BMPR2: variants seen among roughly 807,000 people sequenced by gnomAD.
The protein encoded by BMPR2 is bone morphogenetic protein receptor type 2, also known as bone morphogenetic protein receptor type-2.
A neutral mutation model predicts 100.8 loss-of-function variants in BMPR2; 29 were observed. The ratio of observed to expected loss-of-function variants is 0.29; its 90% confidence interval spans 0.21 to 0.39. The LOEUF is 0.39. Ranked by LOEUF, BMPR2 falls within the 10% of genes least tolerant of loss-of-function variation. The pLI is 1.00. For missense variants in BMPR2, 1,011 were observed against 1,274.5 expected, an observed-to-expected ratio of 0.79 and a Z score of 3.15; for synonymous variants, 382 against 442.3, an observed-to-expected ratio of 0.86 and a Z score of 1.71.
chr2:202,560,896 A>G lies in BMPR2; in HGVS notation c.*950A>G, dbSNP rs1688669110. 6.6e-6 allele frequency: 1 copy of G among 152,136 alleles called. No homozygotes were observed. Among genetic ancestry groups the G allele is most frequent in the Non-Finnish European group, 1.5e-5 (1 of 67,996 alleles). 9.4% of individuals were successfully genotyped at this position (152,136 alleles called of 1,614,324 possible). On this transcript the variant is annotated 3_prime_UTR_variant, in exon 13 of 13. Transcript: ENST00000374580. ...CCATGTTCATTTATTTAAGAAATAC[A>G]TTTTTATTGGTAAGCTTATAGAGCT...
At chr2:202,379,592 C>A (rs1690227618) in intron 1 of BMPR2, among the ~76,000 whole-genome samples, 2 of 152,228 alleles carry the variant, frequency 1.3e-5, no homozygotes, top group South Asian at 4.1e-4. Flanking sequence ...CTTTGCTTGG[C>A]CTAATATTGA....
intron 1 of BMPR2, among the ~76,000 whole-genome samples, chr2:202,414,900 C>T (rs190234099): frequency 1.2e-4 from 18 of 152,034 alleles, no homozygotes; most frequent in East Asian, 9.7e-4. Context: ...CCACCATGCC[C>T]GGCTAATTTT....
intron 1 of BMPR2, among the ~76,000 whole-genome samples, chr2:202,441,840 C>G (rs1691754139): frequency 6.7e-6 from 1 of 149,804 alleles, no homozygotes; most frequent in Admixed American, 6.6e-5. Flanking sequence ...CGAGACCAGT[C>G]TGGCCAACAT....
rs976246218 is a variant in BMPR2 at position 202,503,467 on chromosome 2, C to T, written c.419-10252C>T. On this transcript the variant is annotated intron_variant, in intron 3 of 12. Transcript: ENST00000374580. The surrounding 1 kb of genome is among the most constrained non-coding windows in gnomAD (Gnocchi z 4.0). ...GGTTGGGCATGGGCTTGGCGGGCCC[C>T]GCACTCGGAGCAGCCAGCCCCGGGC... 5.3e-5 allele frequency among the ~76,000 whole-genome samples: 8 copies of T among 152,228 alleles called. No homozygotes were observed. Among genetic ancestry groups the T allele is most frequent in the African/African-American group, 1.2e-4 (5 of 41,464 alleles).
At chr2:202,514,414 G>A (rs1455810710) in intron 4 of BMPR2, among the ~76,000 whole-genome samples, 1 of 152,210 alleles carries the variant, frequency 6.6e-6, no homozygotes, top group African/African-American at 2.4e-5. Flanking sequence ...GGGATTACAG[G>A]CGTGAGCCAC....
At chr2:202,472,289 G>C (rs1214483929) in intron 3 of BMPR2, among the ~76,000 whole-genome samples, 1 of 152,188 alleles carries the variant, frequency 6.6e-6, no homozygotes, top group Non-Finnish European at 1.5e-5. Flanking sequence ...TTAGGAGATT[G>C]TATTGAATTG....
chr2:202,377,105 C>T lies in BMPR2; in HGVS notation c.-370C>T, dbSNP rs552412519. On this transcript the variant is annotated 5_prime_UTR_variant, in exon 1 of 13. Coordinates refer to ENST00000374580, the MANE Select transcript of BMPR2 (RefSeq NM_001204.7). ...CGGATCGAATCCCCGCCCTCCGCAC[C>T]CTGGATATGTTTTCTCCCAGACCTG... 3.6e-6 allele frequency: 2 copies of T among 551,462 alleles called. No homozygotes were observed. Among genetic ancestry groups the T allele is most frequent in the South Asian group, 2.5e-5 (1 of 39,218 alleles). 34.2% of individuals were successfully genotyped at this position (551,462 alleles called of 1,614,324 possible). A position where few individuals can be genotyped will look rare whatever the true frequency, so the allele number is the denominator to read the frequency against.
At chr2:202,469,951 G>T (rs1028917825) in intron 3 of BMPR2, among the ~76,000 whole-genome samples, 1 of 152,180 alleles carries the variant, frequency 6.6e-6, no homozygotes, top group African/African-American at 2.4e-5. Flanking sequence ...GGATGGAGGA[G>T]AATTGCAAAC....
chr2:202,391,555 G>C (rs1001323109), intron 1 of BMPR2, among the ~76,000 whole-genome samples: 1 of 150,170 alleles, frequency 6.7e-6, no homozygotes, highest in African/African-American at 2.5e-5. Context: ...GCGTCCCAAA[G>C]TCCTGGAATT....
intron 3 of BMPR2, among the ~76,000 whole-genome samples, chr2:202,492,795 C>T (rs935577671): frequency 7.4e-6 from 1 of 135,614 alleles, no homozygotes; most frequent in Non-Finnish European, 1.6e-5. Flanking sequence ...AACTAGGAAA[C>T]AGACCAGGAG....
intron 1 of BMPR2, among the ~76,000 whole-genome samples, chr2:202,420,627 A>G (rs1691242225): frequency 7.4e-6 from 1 of 135,292 alleles, no homozygotes; most frequent in Admixed American, 8.8e-5. Context: ...GCTCACTGCA[A>G]CCTCCACCTC....
Position 202,499,859 on chromosome 2 carries a change from A to G in BMPR2, c.419-13860A>G, listed in dbSNP as rs551266458. Among the ~76,000 whole-genome samples, 11 of 152,336 alleles carry G rather than the reference A, an allele frequency of 7.2e-5. No homozygotes were observed. The East Asian group carries it at 7.7e-4, about 11-fold the overall frequency. On this transcript the variant is annotated intron_variant, in intron 3 of 12. Coordinates refer to ENST00000374580, the MANE Select transcript of BMPR2 (RefSeq NM_001204.7). ...CAGCCTTAGTCATGGCCCTCAGACAAACAAACCTTGGTGGTTCAGAGAGGA... is the reference window on the plus strand; with the variant it reads ...CAGCCTTAGTCATGGCCCTCAGACAGACAAACCTTGGTGGTTCAGAGAGGA...
chr2:202,519,107 A>C, intron 6 of BMPR2, 55 bp downstream of exon 6: 1 of 1,560,774 alleles, frequency 6.4e-7, no homozygotes, highest in Non-Finnish European at 8.8e-7. Flanking sequence ...TATGCCTGTA[A>C]TCCCAGCACT....
intron 12 of BMPR2, among the ~76,000 whole-genome samples, chr2:202,559,392 C>T (rs1688643344): frequency 6.6e-6 from 1 of 151,958 alleles, no homozygotes; most frequent in Admixed American, 6.6e-5. Flanking sequence ...AAGATCGCTA[C>T]CAAAACCAGA....
intron 7 of BMPR2, among the ~76,000 whole-genome samples, chr2:202,525,671 ATGT>A (rs1433319629): frequency 2.6e-5 from 4 of 152,022 alleles, no homozygotes; most frequent in East Asian, 3.9e-4. Flanking sequence ...GTTGTTGTTG[ATGT>A]TGTTGTTTCC....
At chr2:202,380,623 T>G (rs571513327) in intron 1 of BMPR2, among the ~76,000 whole-genome samples, 1 of 149,318 alleles carries the variant, frequency 6.7e-6, no homozygotes, top group African/African-American at 2.5e-5. Context: ...TGTTTGGATT[T>G]CTTTCTTTTT....
chr2:202,418,552 T>C (rs189532017), intron 1 of BMPR2, among the ~76,000 whole-genome samples: 125 of 152,254 alleles, frequency 8.2e-4, no homozygotes, highest in African/African-American at 2.9e-3. Flanking sequence ...TTTTATACAT[T>C]TTAGGGTGGC....
At chr2:202,421,213 TGCACACCA>T (rs1463365105) in intron 1 of BMPR2, among the ~76,000 whole-genome samples, 1 of 150,126 alleles carries the variant, frequency 6.7e-6, no homozygotes, top group East Asian at 2.0e-4. Flanking sequence ...ATAGTGCCAT[TGCACACCA>T]GCATGGGCGA....
chr2:202,517,046 T>G (rs1481077931), intron 5 of BMPR2, among the ~76,000 whole-genome samples: 1 of 151,880 alleles, frequency 6.6e-6, no homozygotes, highest in African/African-American at 2.4e-5. Context: ...GTGAATATTG[T>G]ATTGTGGAAC....
Sources: allele counts gnomAD v4.1 joint callset (sites outside exome capture counted in the v4.1 genomes callset), GRCh38; gene constraint gnomAD v4.1.1; non-coding constraint Gnocchi (gnomAD v3.1); transcripts MANE v1.5; gene names NCBI Gene and HGNC (gene_info 2026-07-23, HGNC 2026-07-21).